SMOX: variants seen among roughly 807,000 people sequenced by gnomAD.
SMOX encodes flavin containing amine oxidase.
In SMOX, 22 loss-of-function variants were observed where a neutral mutation model predicts 51.0. That is an observed-to-expected ratio of 0.43 (90% CI 0.31 to 0.62). SMOX has a LOEUF of 0.62. Among genes scored for constraint, SMOX ranks in the 20% least tolerant of loss-of-function variants. SMOX has a pLI of 0.10. For missense variants in SMOX, 566 were observed against 777.7 expected (o/e 0.73, Z 3.24); for synonymous variants, 282 against 307.8 (o/e 0.92, Z 0.88).
chr20:4,178,330 C>T (rs1260871485), intron 3 of SMOX, among the ~76,000 whole-genome samples: 1 of 152,194 alleles, frequency 6.6e-6, no homozygotes, highest in Non-Finnish European at 1.5e-5. Flanking sequence ...AGCCACTGCA[C>T]CCGGCCTAAT....
intron 1 of SMOX, among the ~76,000 whole-genome samples, chr20:4,157,848 T>C (rs1269431723): frequency 6.6e-6 from 1 of 152,098 alleles, no homozygotes; most frequent in African/African-American, 2.4e-5. Context: ...TCCTCTGTGG[T>C]GTGAGGCTCT....
At position 4,187,464 on chromosome 20, in the gene SMOX, G is replaced by A; in HGVS notation, c.*57G>A. 1 of 1,586,434 alleles carries A rather than the reference G, an allele frequency of 6.3e-7. No individual in the cohort carries two copies. The highest frequency in any genetic ancestry group is 1.1e-5 in the South Asian group (1 of 87,134). On this transcript the variant is annotated 3_prime_UTR_variant, in exon 7 of 7. Coordinates refer to ENST00000305958, the MANE Select transcript of SMOX (RefSeq NM_175839.3). The surrounding 1 kb of genome is among the most constrained non-coding windows in gnomAD (Gnocchi z 4.8). Reference sequence around the variant, plus strand: ...ACTCGTGACCTCCAGCCTGCCCCTTGCTGCCGTGTGCTCCTGCCTTCCTGA... The same window carrying A: ...ACTCGTGACCTCCAGCCTGCCCCTTACTGCCGTGTGCTCCTGCCTTCCTGA...
At chr20:4,157,895 T>TAAAAAA (rs1986092750) in intron 1 of SMOX, among the ~76,000 whole-genome samples, 2 of 151,854 alleles carry the variant, frequency 1.3e-5, no homozygotes, top group South Asian at 4.1e-4. Context: ...TGGGCTGTGG[T>TAAAAAA]ATTTTTTATT....
chr20:4,150,063 A>T (rs1985657735), intron 1 of SMOX, among the ~76,000 whole-genome samples: 1 of 152,018 alleles, frequency 6.6e-6, no homozygotes, highest in South Asian at 2.1e-4. Flanking sequence ...CCCTTTCTTC[A>T]GTTACCTCCT....
Position 4,175,112 on chromosome 20 carries a change from A to ACGGAGAAGGGGACAGC in SMOX, c.59_74dup (p.Arg26GlufsTer25). ...CGGATGACCCTCTCAGTCGCGGCCT[A>ACGGAGAAGGGGACAGC]CGGAGAAGGGGACAGCCTCGTGTGG... On this transcript the variant is annotated frameshift_variant, in exon 2 of 7. Transcript: ENST00000305958. LOFTEE classifies it high-confidence loss of function. 6.2e-7 allele frequency: 1 copy of ACGGAGAAGGGGACAGC among 1,614,232 alleles called. No individual in the cohort carries two copies. The highest frequency in any genetic ancestry group is 8.5e-7 in the Non-Finnish European group (1 of 1,180,054).
chr20:4,168,038 C>G (rs1236879328), intron 1 of SMOX, among the ~76,000 whole-genome samples: 1 of 145,200 alleles, frequency 6.9e-6, no homozygotes, highest in Non-Finnish European at 1.5e-5. Context: ...CCAGGCAGTC[C>G]AAAGATGTGC....
At chr20:4,186,113 G>A (rs1979712206) in intron 6 of SMOX, among the ~76,000 whole-genome samples, 1 of 151,864 alleles carries the variant, frequency 6.6e-6, no homozygotes, top group Non-Finnish European at 1.5e-5. Context: ...ACCAGCCTGG[G>A]CAACAAAGTA....
At chr20:4,168,714 G>A (rs1449862831) in intron 1 of SMOX, among the ~76,000 whole-genome samples, 2 of 151,714 alleles carry the variant, frequency 1.3e-5, no homozygotes, top group Non-Finnish European at 2.9e-5. Context: ...CCGCCACCAC[G>A]CTTGGCTAAT....
In SMOX at chr20:4,187,593, G is replaced by C; in HGVS notation, c.*186G>C. The stretch of plus-strand genomic sequence containing the variant: ...TTTTCTCCAGGCTGGGCCGTGAGCA[G>C]GTGGGCCGTTGAGTTACCTCTGTGC... On this transcript the variant is annotated 3_prime_UTR_variant, in exon 7 of 7. Coordinates refer to ENST00000305958, the MANE Select transcript of SMOX (RefSeq NM_175839.3). The surrounding 1 kb of genome is among the most constrained non-coding windows in gnomAD (Gnocchi z 4.8). 2.4e-6 allele frequency: 2 copies of C among 818,832 alleles called. No individual in the cohort carries two copies. The highest frequency in any genetic ancestry group is 2.1e-5 in the South Asian group (1 of 47,280). The allele number at this position is 818,832 out of a possible 1,614,324, so 50.7% of individuals were successfully genotyped here.
In SMOX at chr20:4,182,457, C is replaced by A. The variant is rs920072700; in HGVS notation, c.978C>A (p.Asp326Glu). The A allele has an allele frequency of 6.3e-7, 1 of 1,599,732 alleles. No homozygotes were observed. Among genetic ancestry groups the A allele is most frequent in the Non-Finnish European group, 8.5e-7 (1 of 1,172,088 alleles). ...ECEDCELIPA[D>E]HVIVTVSLGV... ...AGGACTGTGAGCTGATCCCGGCGGA[C>A]CATGTGATTGTGACCGTGTCGCTAG... Residue 326 changes from aspartate to glutamate, a missense_variant, in exon 5 of 7, where the codon GAC becomes GAA. Physicochemically the swap from Asp to Glu is conservative, Grantham distance 45. Transcript: ENST00000305958. The surrounding 1 kb of genome is among the most constrained non-coding windows in gnomAD (Gnocchi z 8.4).
intron 1 of SMOX, among the ~76,000 whole-genome samples, chr20:4,150,796 T>G (rs1296416462): frequency 6.7e-6 from 1 of 149,716 alleles, no homozygotes; most frequent in Non-Finnish European, 1.5e-5. Flanking sequence ...GGCCTTCCCA[T>G]CTCAGTGAAT....
chr20:4,182,847 A>T lies in SMOX; in HGVS notation c.1368A>T (p.Thr456=). The T allele has an allele frequency of 6.2e-7, 1 of 1,601,586 alleles. No individual in the cohort carries two copies. Reference sequence around the variant, plus strand: ...GCACGGAGATGCTGCGTCAGTTCACAGGTGCGCCACGTGCCCCACGACCCG... The same window carrying T: ...GCACGGAGATGCTGCGTCAGTTCACTGGTGCGCCACGTGCCCCACGACCCG... The part of the protein sequence containing the change: ...EICTEMLRQF[T]GNPNIPKPRR... Residue 456 remains threonine (T), a splice_region_variant and synonymous_variant, in exon 5 of 7, where the codon ACA becomes ACT. Coordinates refer to ENST00000305958, the MANE Select transcript of SMOX (RefSeq NM_175839.3). The surrounding 1 kb of genome is among the most constrained non-coding windows in gnomAD (Gnocchi z 8.4).
intron 3 of SMOX, among the ~76,000 whole-genome samples, chr20:4,178,949 C>G (rs1979111788): frequency 6.6e-6 from 1 of 152,124 alleles, no homozygotes; most frequent in Non-Finnish European, 1.5e-5. Context: ...TCCCAAAGTG[C>G]TGGGATTACA....
rs1238312107 is a variant in SMOX at position 4,177,475 on chromosome 20, C to T, written c.333C>T (p.Arg111=). Residue 111 remains arginine (R), a synonymous_variant, in exon 3 of 7, where the codon CGC becomes CGT. Coordinates refer to ENST00000305958, the MANE Select transcript of SMOX (RefSeq NM_175839.3). This position sits in a 1 kb window ranked among gnomAD's most constrained non-coding sequence, Gnocchi z 4.3. ...ETTDGERSVG[R]ISLYSKNGVA... ...CCGATGGGGAACGCAGCGTGGGCCG[C>T]ATCAGCCTCTATTCCAAGAATGGCG... 6.3e-7 allele frequency: 1 copy of T among 1,581,948 alleles called. No individual in the cohort carries two copies. The highest frequency in any genetic ancestry group is 1.3e-5 in the African/African-American group (1 of 74,626).
chr20:4,165,123 T>C (rs961479743), intron 1 of SMOX, among the ~76,000 whole-genome samples: 2 of 145,626 alleles, frequency 1.4e-5, no homozygotes, highest in African/African-American at 2.5e-5. Flanking sequence ...GGGGTGATCT[T>C]GGCTCACTGC....
intron 3 of SMOX, among the ~76,000 whole-genome samples, chr20:4,180,316 G>A (rs982243357): frequency 6.6e-6 from 1 of 152,184 alleles, no homozygotes; most frequent in African/African-American, 2.4e-5. Context: ...TGGTGGTGGC[G>A]GGTGGTGGAC....
At chr20:4,168,950 A>G (rs1311481432) in intron 1 of SMOX, among the ~76,000 whole-genome samples, 1 of 126,234 alleles carries the variant, frequency 7.9e-6, no homozygotes, top group Non-Finnish European at 1.6e-5. Context: ...ATTTTATTTT[A>G]TGTTATTTTA....
At chr20:4,171,160 A>G (rs934856073) in intron 1 of SMOX, among the ~76,000 whole-genome samples, 1 of 152,208 alleles carries the variant, frequency 6.6e-6, no homozygotes, top group Admixed American at 6.5e-5. Context: ...GTGCATACAG[A>G]TCAAGGAGCG....
intron 1 of SMOX, among the ~76,000 whole-genome samples, chr20:4,164,798 G>A (rs1986484540): frequency 2.0e-5 from 3 of 152,064 alleles, no homozygotes; most frequent in Admixed American, 2.0e-4. Context: ...GAGCACCATC[G>A]CCTGTTGGCC....
Sources: gnomAD v4.1 joint callset for allele counts (sites outside exome capture counted in the v4.1 genomes callset) on GRCh38, gnomAD v4.1.1 for gene constraint, Gnocchi (gnomAD v3.1) non-coding constraint, MANE v1.5 for transcripts, NCBI Gene and HGNC (gene_info 2026-07-23, HGNC 2026-07-21) for gene names.